EIPR1: variants seen among roughly 807,000 people sequenced by gnomAD.
The protein encoded by EIPR1 is EARP and GARP complex-interacting protein 1.
A neutral mutation model predicts 48.1 loss-of-function variants in EIPR1; 25 were observed. That is an observed-to-expected ratio of 0.52 (90% CI 0.38 to 0.73). The LOEUF is 0.73. EIPR1 is among the 30% of genes least tolerant of loss of function. The pLI is 0.00. For missense variants in EIPR1, 415 were observed against 506.2 expected, an observed-to-expected ratio of 0.82 and a Z score of 1.73; for synonymous variants, 204 against 201.9, an observed-to-expected ratio of 1.01 and a Z score of -0.09.
intron 4 of EIPR1, among the ~76,000 whole-genome samples, chr2:3,239,057 A>G (rs560842726): frequency 1.2e-3 from 179 of 152,312 alleles, no homozygotes; most frequent in Admixed American, 3.1e-3. Flanking sequence ...CCCACAGTCA[A>G]CAGATGAGGT....
intron 3 of EIPR1, among the ~76,000 whole-genome samples, chr2:3,334,742 A>G (rs866803737): frequency 6.6e-6 from 1 of 152,248 alleles, no homozygotes; most frequent in Non-Finnish European, 1.5e-5. Context: ...TGGCAGGAAT[A>G]AAATAGAATT....
intron 7 of EIPR1, among the ~76,000 whole-genome samples, chr2:3,193,196 C>A (rs1055159572): frequency 2.6e-5 from 4 of 152,232 alleles, no homozygotes; most frequent in Non-Finnish European, 4.4e-5. Flanking sequence ...GGAGGCCCAG[C>A]CACTCAGACC....
intron 2 of EIPR1, among the ~76,000 whole-genome samples, chr2:3,341,415 C>T (rs1037119417): frequency 1.3e-5 from 2 of 151,906 alleles, no homozygotes; most frequent in Admixed American, 6.6e-5. Flanking sequence ...TGTGTGCATG[C>T]AGGTGTGCAC....
intron 4 of EIPR1, among the ~76,000 whole-genome samples, chr2:3,218,464 A>T (rs533676659): frequency 8.1e-5 from 10 of 123,430 alleles, no homozygotes; most frequent in East Asian, 2.7e-4. Flanking sequence ...GCTCTAGAGC[A>T]TTCACAGTGA....
At chr2:3,273,000 T>C (rs1045716121) in intron 3 of EIPR1, among the ~76,000 whole-genome samples, 4 of 152,234 alleles carry the variant, frequency 2.6e-5, no homozygotes, top group African/African-American at 9.6e-5. Flanking sequence ...GTTTAGACTG[T>C]GCTGCTTTTG....
At chr2:3,326,350 G>T (rs1297408731) in intron 3 of EIPR1, among the ~76,000 whole-genome samples, 1 of 152,138 alleles carries the variant, frequency 6.6e-6, no homozygotes, top group Non-Finnish European at 1.5e-5. Context: ...GCAGCAGAGG[G>T]AAAAGCAGAG....
At chr2:3,269,945 T>G (rs1008120839) in intron 3 of EIPR1, among the ~76,000 whole-genome samples, 3 of 152,212 alleles carry the variant, frequency 2.0e-5, no homozygotes, top group Non-Finnish European at 4.4e-5. Flanking sequence ...GCCCTTGGCT[T>G]GCACACAGCA....
At chr2:3,359,030 G>A (rs1333580575) in intron 1 of EIPR1, among the ~76,000 whole-genome samples, 1 of 152,186 alleles carries the variant, frequency 6.6e-6, no homozygotes, top group African/African-American at 2.4e-5. Context: ...AGAGGTATGA[G>A]GTGCCACCTC....
intron 2 of EIPR1, among the ~76,000 whole-genome samples, chr2:3,339,689 C>T (rs1032069337): frequency 2.0e-5 from 3 of 152,172 alleles, no homozygotes; most frequent in Non-Finnish European, 2.9e-5. Flanking sequence ...TGGCTCACGC[C>T]TGTAATTGTA....
chr2:3,347,490 G>T (rs1443449089), intron 2 of EIPR1, among the ~76,000 whole-genome samples: 1 of 152,164 alleles, frequency 6.6e-6, no homozygotes, highest in East Asian at 1.9e-4. Flanking sequence ...GATGTGACTT[G>T]CTCCTCCTTG....
Position 3,245,824 on chromosome 2 carries a change from C to T in EIPR1, c.416+11475G>A, listed in dbSNP as rs562677027. On this transcript the variant is annotated intron_variant, in intron 4 of 8. Coordinates refer to ENST00000382125, the MANE Select transcript of EIPR1 (RefSeq NM_003310.5). ...CCTGTAATCTCAGTGTTTGGGAGGC[C>T]GAAGTGGGAGGACTGCTTGCGCCCA... Among the ~76,000 whole-genome samples, 6 of 152,260 alleles carry T rather than the reference C, an allele frequency of 3.9e-5. No homozygotes were observed. In the South Asian group the frequency reaches 6.2e-4, roughly 16 times the overall value.
At chr2:3,235,962 G>A (rs1162717954) in intron 4 of EIPR1, among the ~76,000 whole-genome samples, 2 of 152,150 alleles carry the variant, frequency 1.3e-5, no homozygotes, top group Non-Finnish European at 2.9e-5. Context: ...GGACTTAGGT[G>A]GAGAAAAGTG....
chr2:3,200,814 A>C (rs561313498), intron 5 of EIPR1, among the ~76,000 whole-genome samples: 1 of 152,164 alleles, frequency 6.6e-6, no homozygotes, highest in Non-Finnish European at 1.5e-5. Flanking sequence ...CAGTGGGGGC[A>C]GGGCTGGAAC....
chr2:3,351,004 A>ATTTTT lies in EIPR1; in HGVS notation c.126+3541_126+3545dup, dbSNP rs71396979. Among the ~76,000 whole-genome samples the ATTTTT allele has an allele frequency of 3.0e-4, 40 of 135,320 alleles. 4 individuals carry two copies. Among genetic ancestry groups the ATTTTT allele is most frequent in the East Asian group, 8.7e-4 (4 of 4,574 alleles). The allele number at this position is 135,320 out of a possible 152,430, so 88.8% of individuals were successfully genotyped here. A position where few individuals can be genotyped will look rare whatever the true frequency, so the allele number is the denominator to read the frequency against. On this transcript the variant is annotated intron_variant, in intron 2 of 8. Coordinates refer to ENST00000382125, the MANE Select transcript of EIPR1 (RefSeq NM_003310.5). ...AAAACACTTTCTGTCATTTTGGGCG[A>ATTTTT]TTTTTTTTTTTTTAGACAGAGTCTC...
Position 3,189,232 on chromosome 2 carries a change from G to C in EIPR1, c.*102C>G. 1.6e-6 allele frequency: 2 copies of C among 1,244,682 alleles called. No individual in the cohort carries two copies. Among genetic ancestry groups the C allele is most frequent in the Non-Finnish European group, 2.2e-6 (2 of 928,904 alleles). The allele number at this position is 1,244,682 out of a possible 1,614,324, so 77.1% of individuals were successfully genotyped here. ...GGGAACAGCGGCTCTCCCAGAGAGG[G>C]ATCCACCTGGAACACGAGTCACCTC... On this transcript the variant is annotated 3_prime_UTR_variant, in exon 9 of 9. Coordinates refer to ENST00000382125, the MANE Select transcript of EIPR1 (RefSeq NM_003310.5). The surrounding 1 kb of genome is among the most constrained non-coding windows in gnomAD (Gnocchi z 4.6).
chr2:3,373,465 A>G (rs1256833381), intron 1 of EIPR1, among the ~76,000 whole-genome samples: 2 of 152,058 alleles, frequency 1.3e-5, no homozygotes, highest in African/African-American at 4.8e-5. Flanking sequence ...ACATGATTGT[A>G]TATCTAGAAA....
intron 1 of EIPR1, among the ~76,000 whole-genome samples, chr2:3,363,449 A>G (rs1413519096): frequency 6.6e-6 from 1 of 152,224 alleles, no homozygotes; most frequent in Non-Finnish European, 1.5e-5. Flanking sequence ...TAATCCCAAT[A>G]CTGACGGAGG....
chr2:3,338,273 GTTAT>G, intron 2 of EIPR1, 124 bp from the exon 3 acceptor site: 1 of 1,128,500 alleles, frequency 8.9e-7, no homozygotes, highest in Admixed American at 2.9e-5. Context: ...TTAGTTAATT[GTTAT>G]TATGCCAACA....
intron 3 of EIPR1, among the ~76,000 whole-genome samples, chr2:3,280,692 A>G (rs1371378207): frequency 1.3e-5 from 2 of 152,154 alleles, no homozygotes; most frequent in East Asian, 3.9e-4. Flanking sequence ...CTTCACTCCC[A>G]TGAGAGGCCA....
Sources: gnomAD v4.1 joint callset for allele counts (sites outside exome capture counted in the v4.1 genomes callset) on GRCh38, gnomAD v4.1.1 for gene constraint, Gnocchi (gnomAD v3.1) non-coding constraint, MANE v1.5 for transcripts, NCBI Gene and HGNC (gene_info 2026-07-23, HGNC 2026-07-21) for gene names.